Variants in PRDM16 observed in about 807,000 individuals in gnomAD.
PRDM16 encodes the protein histone-lysine N-methyltransferase PRDM16.
PRDM16 carries 23 observed loss-of-function variants against 110.6 expected under a neutral mutation model. The ratio of observed to expected loss-of-function variants is 0.21; its 90% CI spans 0.15 to 0.29. The LOEUF is 0.29. PRDM16 is among the 10% of genes least tolerant of loss of function. The pLI is 1.00. For missense variants in PRDM16, 1,615 were observed against 1,794.3 expected (o/e 0.90, Z 1.81); for synonymous variants, 799 against 781.8 (o/e 1.02, Z -0.37).
At chr1:3,212,617 G>GCGGTCCCCCCGCTC (rs1557532575) in intron 2 of PRDM16, among the ~76,000 whole-genome samples, 5 of 145,958 alleles carry the variant, frequency 3.4e-5, no homozygotes, top group South Asian at 2.2e-4. Context: ...CCCCCTCGCT[G>GCGGTCCCCCCGCTC]AGGTCCTCCC....
Position 3,157,203 on chromosome 1 carries a change from G to T in PRDM16, c.38-28922G>T, listed in dbSNP as rs540916970. On this transcript the variant is annotated intron_variant, in intron 1 of 16. Transcript: ENST00000270722. This position sits in a 1 kb window ranked among gnomAD's most constrained non-coding sequence, Gnocchi z 4.8. ...AGGGCCGCTCGGCAACCGCTGAGCC[G>T]GCGCAAGAGCTCAGGCCCTCAGGGA... 2.0e-5 allele frequency among the ~76,000 whole-genome samples: 3 copies of T among 152,164 alleles called. No individual in the cohort carries two copies. Among genetic ancestry groups the T allele is most frequent in the Non-Finnish European group, 4.4e-5 (3 of 68,022 alleles).
At chr1:3,114,300 C>A (rs573290674) in intron 1 of PRDM16, among the ~76,000 whole-genome samples, 1 of 124,576 alleles carries the variant, frequency 8.0e-6, no homozygotes, top group Non-Finnish European at 1.7e-5. Context: ...GAAACGCACA[C>A]GCACGCACAC....
chr1:3,162,087 G>A (rs893584314), intron 1 of PRDM16, among the ~76,000 whole-genome samples: 14 of 152,010 alleles, frequency 9.2e-5, no homozygotes, highest in African/African-American at 2.9e-4. Context: ...AACCACACAT[G>A]GGCTAATTGT....
chr1:3,182,151 T>C (rs2817134), intron 1 of PRDM16, among the ~76,000 whole-genome samples: 123,732 of 152,240 alleles, frequency 0.81, 50,843 homozygotes, highest in Admixed American at 0.87. Flanking sequence ...ATGGCTTCTC[T>C]TTAAAACCAC....
chr1:3,099,254 C>T (rs1224093251), intron 1 of PRDM16, among the ~76,000 whole-genome samples: 6 of 152,226 alleles, frequency 3.9e-5, no homozygotes, highest in East Asian at 1.9e-4. Flanking sequence ...GCCTTGGCTC[C>T]GCCACCTCCC....
intron 1 of PRDM16, among the ~76,000 whole-genome samples, chr1:3,183,867 T>A (rs908997882): frequency 6.6e-6 from 1 of 152,188 alleles, no homozygotes. Flanking sequence ...TACTTGTCCT[T>A]CGGGCAGAGG....
In PRDM16 at chr1:3,205,214, G is replaced by A. The variant is rs543708509; in HGVS notation, c.387+18740G>A. Among the ~76,000 whole-genome samples the A allele has an allele frequency of 3.5e-4, 53 of 152,214 alleles. 1 individual carries two copies. The South Asian group carries it at 1.0e-2, about 29-fold the overall frequency. ...GGGGCATTGGAAATAATCCCCCGAC[G>A]GGCAGCAGGAATGGTGCAGCCACAG... On this transcript the variant is annotated intron_variant, in intron 2 of 16. Transcript: ENST00000270722.
In PRDM16 at chr1:3,406,580, ATT is replaced by A. The variant is rs139472066; in HGVS notation, c.1186+941_1186+942del. Among the ~76,000 whole-genome samples the A allele has an allele frequency of 2.0e-3, 294 of 147,374 alleles. 1 individual carries two copies. Among genetic ancestry groups the A allele is most frequent in the African/African-American group, 7.4e-3 (283 of 38,274 alleles). On this transcript the variant is annotated intron_variant, in intron 8 of 16. Coordinates refer to ENST00000270722, the MANE Select transcript of PRDM16 (RefSeq NM_022114.4). ...CACCATTTCTACCAAAAAAAAAAAA[ATT>A]TTTTTTTTAATTAGCCAACCACGGT...
intron 2 of PRDM16, among the ~76,000 whole-genome samples, chr1:3,203,952 C>A (rs1371642063): frequency 6.6e-6 from 1 of 152,174 alleles, no homozygotes; most frequent in Admixed American, 6.5e-5. Context: ...CTGGTCCCCA[C>A]GTCCCTGAAG....
At chr1:3,335,642 C>CACA (rs1570095583) in intron 3 of PRDM16, among the ~76,000 whole-genome samples, 1 of 146,664 alleles carries the variant, frequency 6.8e-6, no homozygotes, top group Non-Finnish European at 1.5e-5. Flanking sequence ...CACACACACA[C>CACA]CCTTGGACAT....
chr1:3,405,490 C>G lies in PRDM16; in HGVS notation c.1033-5C>G, dbSNP rs777375331. 3 of 1,576,700 alleles carry G rather than the reference C, an allele frequency of 1.9e-6. No individual in the cohort carries two copies. Among genetic ancestry groups the G allele is most frequent in the Middle Eastern group, 1.7e-4 (1 of 5,910 alleles). ...GGCACGCGCCAACGGCATCCGTCTC[C>G]CCAGGTGTTCACGGACCCCAGCAAC... On this transcript the variant is annotated splice_region_variant and splice_polypyrimidine_tract_variant and intron_variant, in intron 7 of 16. Coordinates refer to ENST00000270722, the MANE Select transcript of PRDM16 (RefSeq NM_022114.4).
chr1:3,162,773 C>T (rs1624023), intron 1 of PRDM16, among the ~76,000 whole-genome samples: 88,920 of 151,722 alleles, frequency 0.59, 27,465 homozygotes, highest in African/African-American at 0.79. Context: ...GACGCCTGTG[C>T]GACCATCGAA....
chr1:3,387,838 T>C (rs1464963378), intron 4 of PRDM16, among the ~76,000 whole-genome samples: 2 of 152,238 alleles, frequency 1.3e-5, no homozygotes, highest in Non-Finnish European at 2.9e-5. Context: ...ACTACAAATA[T>C]GAAAAACTGC....
At chr1:3,199,077 CT>C (rs1215935049) in intron 2 of PRDM16, among the ~76,000 whole-genome samples, 2 of 152,154 alleles carry the variant, frequency 1.3e-5, no homozygotes, top group Non-Finnish European at 2.9e-5. Context: ...ATTTATCAGC[CT>C]TCGTTTCAGC....
chr1:3,085,139 C>T (rs6690540), intron 1 of PRDM16, among the ~76,000 whole-genome samples: 84,020 of 152,094 alleles, frequency 0.55, 23,930 homozygotes, highest in East Asian at 0.65. Flanking sequence ...GGACCTACTC[C>T]GACCTAGAAC....
chr1:3,144,140 T>C (rs1205502077), intron 1 of PRDM16, among the ~76,000 whole-genome samples: 1 of 152,102 alleles, frequency 6.6e-6, no homozygotes, highest in Non-Finnish European at 1.5e-5. Flanking sequence ...GACCCAGCAC[T>C]ATGGGAGGGA....
chr1:3,297,099 G>A (rs56990256), intron 3 of PRDM16, among the ~76,000 whole-genome samples: 4,531 of 152,218 alleles, frequency 0.03, 236 homozygotes, highest in African/African-American at 0.1. Flanking sequence ...GCAGATCTCA[G>A]ACCTCGTGGG....
intron 3 of PRDM16, among the ~76,000 whole-genome samples, chr1:3,286,080 G>A (rs1339881613): frequency 6.6e-6 from 1 of 152,174 alleles, no homozygotes; most frequent in African/African-American, 2.4e-5. Flanking sequence ...GTCAATTACA[G>A]GAGTTTGCAA....
At chr1:3,236,225 C>T (rs1185119334) in intron 2 of PRDM16, among the ~76,000 whole-genome samples, 1 of 152,046 alleles carries the variant, frequency 6.6e-6, no homozygotes, top group Non-Finnish European at 1.5e-5. Context: ...GGGGACCCCA[C>T]AGTGCCTCCT....
Sources: gnomAD v4.1 joint callset for allele counts (sites outside exome capture counted in the v4.1 genomes callset) on GRCh38, gnomAD v4.1.1 for gene constraint, Gnocchi (gnomAD v3.1) non-coding constraint, MANE v1.5 for transcripts, NCBI Gene and HGNC (gene_info 2026-07-23, HGNC 2026-07-21) for gene names.